The following MROH1 variants were observed in gnomAD, a reference collection of about 807,000 sequenced individuals.
The protein encoded by MROH1 is maestro heat-like repeat-containing protein family member 1.
In MROH1, 117 loss-of-function variants were observed where a neutral mutation model predicts 116.5. The observed-to-expected ratio is 1.00, with a 90% CI of 0.86 to 1.17. The LOEUF is 1.17. MROH1 is among the 50% of genes most tolerant of loss of function. The probability of loss-of-function intolerance (pLI) is 0.00; values close to 1 mark genes in which losing one functional copy is unlikely to be tolerated. For synonymous variants in MROH1, 921 were observed against 583.9 expected (o/e 1.58, Z -8.32); for missense variants, 1,873 against 1,338.5 (o/e 1.40, Z -6.23).
chr8:144,243,161 C>G (rs967408868), intron 24 of MROH1, among the ~76,000 whole-genome samples: 2 of 152,244 alleles, frequency 1.3e-5, no homozygotes, highest in South Asian at 2.1e-4. Flanking sequence ...GGTTCTCCTG[C>G]GGTGGCTGGG....
In MROH1 at chr8:144,250,244, G is replaced by T; in HGVS notation, c.3306G>T (p.Lys1102Asn). 1 of 768,190 alleles carries T rather than the reference G, an allele frequency of 1.3e-6. No individual in the cohort carries two copies. 47.6% of individuals were successfully genotyped at this position (768,190 alleles called of 1,614,324 possible). A position where few individuals can be genotyped will look rare whatever the true frequency, so the allele number is the denominator to read the frequency against. ...VPEIVSVLRS[K>N]LQEAQGEHVL... is the part of the protein sequence containing the mutation. Reference sequence around the variant, plus strand: ...AGATCGTGAGCGTCCTGCGCTCCAAGCTTCAGGAGGCCCAGGGAGAGCACG... The same window carrying T: ...AGATCGTGAGCGTCCTGCGCTCCAATCTTCAGGAGGCCCAGGGAGAGCACG... Residue 1102 changes from lysine to asparagine, a missense_variant, in exon 33 of 44, where the codon AAG (lysine) becomes AAT (asparagine). Coordinates refer to ENST00000326134, the MANE Select transcript of MROH1 (RefSeq NM_032450.3).
Position 144,148,016 on chromosome 8 carries a change from A to G in MROH1, c.-237A>G, listed in dbSNP as rs1034692732. The G allele has an allele frequency of 6.6e-6, 1 of 151,858 alleles. No homozygotes were observed. Among genetic ancestry groups the G allele is most frequent in the Non-Finnish European group, 1.5e-5 (1 of 67,976 alleles). The allele number at this position is 151,858 out of a possible 1,614,324, so 9.4% of individuals were successfully genotyped here. ...GGGCTCGGCGCGCGCGGCTCCGCCC[A>G]CTCCGGGCCCCTGCTGGGCGGGAAG... On this transcript the variant is annotated 5_prime_UTR_variant, in exon 1 of 44. Transcript: ENST00000326134.
chr8:144,192,349 G>T lies in MROH1; in HGVS notation c.896G>T (p.Ser299Ile), dbSNP rs1231335894. Residue 299 changes from serine (S) to isoleucine (I), a missense_variant, in exon 10 of 44, where the codon AGC (serine) becomes ATC (isoleucine). By Grantham distance (142) the Ser-to-Ile change is moderately radical (BLOSUM62 -2). Transcript: ENST00000326134. ...CTCGAGGCAGCTGTGAGTGTGGGCA[G>T]CCGCACACTGGAGACCCAGCTGGAT... is the stretch of plus-strand genomic sequence containing the variant. Reference protein sequence around the residue: ...QILEAAVSVGSRTLETQLDAL... With the variant: ...QILEAAVSVGIRTLETQLDAL... 3 of 1,600,276 alleles carry T rather than the reference G, an allele frequency of 1.9e-6. No homozygotes were observed. The highest frequency in any genetic ancestry group is 1.3e-5 in the African/African-American group (1 of 74,872).
In MROH1 at chr8:144,244,775, G is replaced by A. The variant is rs1055306098; in HGVS notation, c.2766+236G>A. ...CTGTCCTCTCCCGCCACTGCATGGCGCGGGGATGGAGGGGCCCACGGGTAC... is the reference window on the plus strand; with the variant it reads ...CTGTCCTCTCCCGCCACTGCATGGCACGGGGATGGAGGGGCCCACGGGTAC... On this transcript the variant is annotated intron_variant, in intron 28 of 43. Coordinates refer to ENST00000326134, the MANE Select transcript of MROH1 (RefSeq NM_032450.3). Among the ~76,000 whole-genome samples, 23 of 152,328 alleles carry A rather than the reference G, an allele frequency of 1.5e-4. No homozygotes were observed. In the South Asian group the frequency reaches 3.1e-3, roughly 21 times the overall value.
At chr8:144,173,289 G>A (rs1365431885) in intron 4 of MROH1, among the ~76,000 whole-genome samples, 1 of 151,594 alleles carries the variant, frequency 6.6e-6, no homozygotes, top group Non-Finnish European at 1.5e-5. Context: ...TGTAGTTTTA[G>A]TAGAGATTGG....
chr8:144,195,221 G>C (rs1330217112), intron 10 of MROH1, among the ~76,000 whole-genome samples: 19 of 19,936 alleles, frequency 9.5e-4, no homozygotes, highest in Admixed American at 2.4e-3. Context: ...AAAAAAAAAG[G>C]CCGAGTGCCA....
intron 3 of MROH1, among the ~76,000 whole-genome samples, chr8:144,164,093 CTTTTT>C (rs776748346): frequency 7.4e-6 from 1 of 135,250 alleles, no homozygotes; most frequent in Non-Finnish European, 1.6e-5. Context: ...GTTTGTTTTA[CTTTTT>C]TTTTTTTTTT....
intron 14 of MROH1, among the ~76,000 whole-genome samples, chr8:144,228,324 C>T (rs1478748756): frequency 6.6e-6 from 1 of 152,156 alleles, no homozygotes; most frequent in Non-Finnish European, 1.5e-5. Context: ...AACTTACAAA[C>T]ACTTTATTGC....
chr8:144,230,616 C>CT (rs1335835594), intron 14 of MROH1, among the ~76,000 whole-genome samples: 38 of 148,546 alleles, frequency 2.6e-4, no homozygotes, highest in African/African-American at 9.5e-4. Context: ...CTTGTGATGT[C>CT]TTTTTCCAGC....
intron 14 of MROH1, among the ~76,000 whole-genome samples, chr8:144,237,966 C>T (rs1481015523): frequency 6.6e-6 from 1 of 152,106 alleles, no homozygotes; most frequent in Non-Finnish European, 1.5e-5. Flanking sequence ...TTTAAAATCT[C>T]CAGGTCGATA....
chr8:144,157,282 A>T (rs1288999263), intron 1 of MROH1, among the ~76,000 whole-genome samples: 1 of 152,178 alleles, frequency 6.6e-6, no homozygotes, highest in South Asian at 2.1e-4. Context: ...GGGCTTCACC[A>T]TGTTGGCCAG....
Position 144,259,895 on chromosome 8 carries a change from G to C in MROH1, c.4045-16G>C. On this transcript the variant is annotated splice_polypyrimidine_tract_variant and intron_variant, in intron 37 of 43. Coordinates refer to ENST00000326134, the MANE Select transcript of MROH1 (RefSeq NM_032450.3). ...GGTCAGCGGGGAGAGGGAAGTCACA[G>C]CACCTCTGCCTGCAGCTGCTGAACA... 1 of 729,288 alleles carries C rather than the reference G, an allele frequency of 1.4e-6. No individual in the cohort carries two copies. Among genetic ancestry groups the C allele is most frequent in the Non-Finnish European group, 2.5e-6 (1 of 392,636 alleles). The allele number at this position is 729,288 out of a possible 1,614,324, so 45.2% of individuals were successfully genotyped here.
At chr8:144,191,518 CT>C (rs1828590943) in intron 8 of MROH1, among the ~76,000 whole-genome samples, 196 bp from the exon 9 acceptor site, 1 of 152,208 alleles carries the variant, frequency 6.6e-6, no homozygotes, top group East Asian at 1.9e-4. Flanking sequence ...TACAAACCCC[CT>C]GGGCCTGGCC....
At chr8:144,187,020 C>T (rs961585097) in intron 7 of MROH1, among the ~76,000 whole-genome samples, 2 of 151,928 alleles carry the variant, frequency 1.3e-5, no homozygotes, top group African/African-American at 2.4e-5. Flanking sequence ...ATTGCTTGAA[C>T]CTGGGAGTCA....
intron 22 of MROH1, among the ~76,000 whole-genome samples, chr8:144,241,902 C>T (rs1841059413): frequency 6.6e-6 from 1 of 152,358 alleles, no homozygotes; most frequent in South Asian, 2.1e-4. Context: ...GCCCCCAACC[C>T]GGCTGTGGTC....
chr8:144,195,639 G>C (rs1829723368), intron 10 of MROH1, among the ~76,000 whole-genome samples: 1 of 151,764 alleles, frequency 6.6e-6, no homozygotes, highest in African/African-American at 2.4e-5. Context: ...ACTGCACCTG[G>C]CCTATAGCAG....
chr8:144,180,329 CGGTGGCCAACGGTA>C lies in MROH1; in HGVS notation c.457_463+7del. On this transcript the variant is annotated splice_donor_variant and splice_donor_region_variant and coding_sequence_variant and intron_variant, in exon 6 of 44. Coordinates refer to ENST00000326134, the MANE Select transcript of MROH1 (RefSeq NM_032450.3). LOFTEE classifies it high-confidence loss of function. The surrounding 1 kb of genome is among the most constrained non-coding windows in gnomAD (Gnocchi z 7.4). ...GTGCTGCACACCCTCGCCAGCCTCTCGGTGGCCAACGGTAGGTGACGCGCGGCCTGCCCCAGGAG... is the reference window on the plus strand; with the variant it reads ...GTGCTGCACACCCTCGCCAGCCTCTCGGTGACGCGCGGCCTGCCCCAGGAG... 6.2e-7 allele frequency: 1 copy of C among 1,606,114 alleles called. No individual in the cohort carries two copies. The highest frequency in any genetic ancestry group is 1.1e-5 in the South Asian group (1 of 90,984).
At chr8:144,152,147 C>T (rs933273597) in intron 1 of MROH1, among the ~76,000 whole-genome samples, 1 of 152,122 alleles carries the variant, frequency 6.6e-6, no homozygotes, top group Non-Finnish European at 1.5e-5. Context: ...AAGAGGTTGA[C>T]AGCAATGAAT....
At chr8:144,250,387 G>T in intron 33 of MROH1, 21 bp downstream of exon 33, 2 of 751,368 alleles carry the variant, frequency 2.7e-6, no homozygotes, top group Non-Finnish European at 2.4e-6. Flanking sequence ...CAGACTCCAG[G>T]CTTAGGGGTC....
Sources: gnomAD v4.1 joint callset for allele counts (sites outside exome capture counted in the v4.1 genomes callset) on GRCh38, gnomAD v4.1.1 for gene constraint, Gnocchi (gnomAD v3.1) non-coding constraint, MANE v1.5 for transcripts, NCBI Gene and HGNC (gene_info 2026-07-23, HGNC 2026-07-21) for gene names.